The following WDPCP variants were observed in gnomAD, a reference collection of about 807,000 sequenced individuals.
WDPCP encodes WD repeat-containing and planar cell polarity effector protein fritz homolog.
WDPCP carries 71 observed loss-of-function variants against 93.1 expected under a neutral mutation model. That is an observed-to-expected ratio of 0.76 (90% confidence interval 0.63 to 0.93). The LOEUF is 0.93. Ranked by LOEUF, WDPCP falls within the 40% of genes least tolerant of loss-of-function variation. The probability of loss-of-function intolerance (pLI) is 0.00; values close to 1 mark genes in which losing one functional copy is unlikely to be tolerated. For synonymous variants in WDPCP, 315 were observed against 315.0 expected (o/e 1.00, Z 0.00); for missense variants, 844 against 887.4 (o/e 0.95, Z 0.62).
intron 2 of WDPCP, among the ~76,000 whole-genome samples, chr2:63,740,766 A>G (rs1267713066): frequency 6.6e-6 from 1 of 152,164 alleles, no homozygotes; most frequent in Non-Finnish European, 1.5e-5. Context: ...TAAGAAGTTT[A>G]AGACCTCACT....
intron 2 of WDPCP, among the ~76,000 whole-genome samples, chr2:63,800,416 G>C (rs1334375844): frequency 6.6e-6 from 1 of 152,114 alleles, no homozygotes; most frequent in Non-Finnish European, 1.5e-5. Flanking sequence ...ATTATTTAAA[G>C]ACAGAGACCA....
At chr2:63,636,576 C>T (rs760237366) in intron 3 of WDPCP, among the ~76,000 whole-genome samples, 1 of 152,144 alleles carries the variant, frequency 6.6e-6, no homozygotes, top group Non-Finnish European at 1.5e-5. Context: ...TCTGGGACTA[C>T]AGGTACATAC....
At chr2:63,277,689 C>G (rs1683192043) in intron 13 of WDPCP, among the ~76,000 whole-genome samples, 1 of 152,108 alleles carries the variant, frequency 6.6e-6, no homozygotes. Context: ...AAGGGCTAGT[C>G]CAACAGGAAA....
At chr2:63,570,847 C>T (rs1454623182) in intron 1 of WDPCP, among the ~76,000 whole-genome samples, 1 of 152,106 alleles carries the variant, frequency 6.6e-6, no homozygotes, top group African/African-American at 2.4e-5. Context: ...TGAAGTTAGA[C>T]ACACTGTGTT....
intron 13 of WDPCP, among the ~76,000 whole-genome samples, chr2:63,261,559 G>A (rs896717415): frequency 1.6e-4 from 24 of 152,046 alleles, no homozygotes; most frequent in South Asian, 2.1e-4. Flanking sequence ...ACAGATGAAC[G>A]TCAGCTAAAG....
chr2:63,245,577 T>C (rs1574971016), intron 14 of WDPCP, among the ~76,000 whole-genome samples: 1 of 152,072 alleles, frequency 6.6e-6, no homozygotes. Flanking sequence ...ATGCATGCCA[T>C]AAAGCTAAAA....
upstream of WDPCP, chr2:63,588,557 G>A (rs1709045216): frequency 2.3e-5 from 13 of 570,602 alleles, no homozygotes; most frequent in South Asian, 2.6e-4. Flanking sequence ...CGCAGCGGAA[G>A]GTCTCTTTAC....
chr2:63,315,427 C>CCTTT (rs10669703), intron 12 of WDPCP, among the ~76,000 whole-genome samples: 121,564 of 151,826 alleles, frequency 0.8, 49,534 homozygotes, highest in East Asian at 0.96. Flanking sequence ...TGGATTAAAG[C>CCTTT]CTAATAGAGG....
At chr2:63,180,035 C>G (rs1228223989) in intron 14 of WDPCP, among the ~76,000 whole-genome samples, 2 of 152,022 alleles carry the variant, frequency 1.3e-5, no homozygotes, top group South Asian at 2.1e-4. Flanking sequence ...AGGTCATTAT[C>G]TTAAGTGAAA....
At chr2:63,208,797 A>C (rs1559204409) in intron 14 of WDPCP, among the ~76,000 whole-genome samples, 1 of 151,888 alleles carries the variant, frequency 6.6e-6, no homozygotes, top group Admixed American at 6.6e-5. Flanking sequence ...TTTGTGTGAG[A>C]CTCTGCTTTC....
chr2:63,356,475 C>T (rs1028923979), intron 12 of WDPCP, among the ~76,000 whole-genome samples: 1 of 152,204 alleles, frequency 6.6e-6, no homozygotes, highest in Non-Finnish European at 1.5e-5. Context: ...ACAGAATATA[C>T]ATTCTTTTCA....
At chr2:63,419,596 A>T (rs920023344) in intron 9 of WDPCP, among the ~76,000 whole-genome samples, 2 of 152,206 alleles carry the variant, frequency 1.3e-5, no homozygotes, top group Non-Finnish European at 2.9e-5. Context: ...AATTGATCCA[A>T]ATGCCATCAA....
At position 63,192,648 on chromosome 2, in the gene WDPCP, A is replaced by C. The variant is rs113738692; in HGVS notation, c.1916-17816T>G. On this transcript the variant is annotated intron_variant, in intron 14 of 17. Transcript: ENST00000272321. ...GGTTCATACCTGAAATGTCTGGCAC[A>C]AAGCCAGTGCTCTTCCATTTCAACA... Among the ~76,000 whole-genome samples the C allele has an allele frequency of 9.3e-3, 1,414 of 152,388 alleles. 15 individuals carry two copies. The highest frequency in any genetic ancestry group is 0.016 in the Non-Finnish European group (1,096 of 68,044).
intron 11 of WDPCP, among the ~76,000 whole-genome samples, chr2:63,379,779 G>A (rs1575276911): frequency 1.3e-5 from 2 of 152,116 alleles, no homozygotes; most frequent in East Asian, 3.9e-4. Context: ...AAATTACCAC[G>A]TCAAATTTGT....
chr2:63,492,764 C>G (rs1700972798), intron 2 of WDPCP, 92 bp downstream of exon 2: 1 of 1,154,362 alleles, frequency 8.7e-7, no homozygotes, highest in Non-Finnish European at 1.3e-6. Flanking sequence ...GCAACTCCAG[C>G]TGGAGAATTC....
intron 2 of WDPCP, among the ~76,000 whole-genome samples, chr2:63,738,681 A>G (rs1400928919): frequency 6.6e-6 from 1 of 152,188 alleles, no homozygotes; most frequent in African/African-American, 2.4e-5. Flanking sequence ...GTAATATGTG[A>G]GGATAATTTA....
chr2:63,144,100 C>T (rs1308119681), intron 17 of WDPCP, among the ~76,000 whole-genome samples: 2 of 152,108 alleles, frequency 1.3e-5, no homozygotes, highest in African/African-American at 2.4e-5. Context: ...GGTTGTTTAA[C>T]GTAATCCCAG....
chr2:63,720,272 C>A (rs183561984), intron 2 of WDPCP, among the ~76,000 whole-genome samples: 1 of 152,024 alleles, frequency 6.6e-6, no homozygotes, highest in Admixed American at 6.6e-5. Flanking sequence ...AAAAATTTAG[C>A]CAGGTATGGC....
In WDPCP at chr2:63,185,638, A is replaced by G. The variant is rs192752459; in HGVS notation, c.1916-10806T>C. On this transcript the variant is annotated intron_variant, in intron 14 of 17. Transcript: ENST00000272321. ...AGGTCACAAGGAGCTCATCTCATTC[A>G]TAAGTGCTATGGGCTTGTGTTACCA... Among the ~76,000 whole-genome samples, 474 of 152,278 alleles carry G rather than the reference A, an allele frequency of 3.1e-3. 11 individuals are homozygous for G. The highest frequency in any genetic ancestry group is 6.9e-4 in the Non-Finnish European group (47 of 68,024).
Sources: gnomAD v4.1 joint callset for allele counts (sites outside exome capture counted in the v4.1 genomes callset) on GRCh38, gnomAD v4.1.1 for gene constraint, MANE v1.5 for transcripts, NCBI Gene and HGNC (gene_info 2026-07-23, HGNC 2026-07-21) for gene names.